HACE1: variants seen among roughly 807,000 people sequenced by gnomAD.
HACE1 encodes E3 ubiquitin-protein ligase HACE1.
Under a neutral mutation model 118.4 loss-of-function variants are expected in HACE1, and 73 were observed. The ratio of observed to expected loss-of-function variants is 0.62; its 90% confidence interval spans 0.51 to 0.75. The LOEUF (loss-of-function observed/expected upper bound fraction) is 0.75. Among genes scored for constraint, HACE1 ranks in the 30% least tolerant of loss-of-function variants. The pLI is 0.00. For missense variants in HACE1, 749 were observed against 1,102.2 expected, an observed-to-expected ratio of 0.68 and a Z score of 4.54; for synonymous variants, 368 against 374.8, an observed-to-expected ratio of 0.98 and a Z score of 0.21.
In HACE1 at chr6:104,740,482, C is replaced by G. The variant is rs979945781; in HGVS notation, c.2513+3678G>C. On this transcript the variant is annotated intron_variant, in intron 22 of 23. Coordinates refer to ENST00000262903, the MANE Select transcript of HACE1 (RefSeq NM_020771.4). ...CTAAAAAATGATAAAGGGGATATCA[C>G]CATTAATGCTACAGAAATACAAACT... is the stretch of plus-strand genomic sequence containing the variant. Among the ~76,000 whole-genome samples, 3 of 152,148 alleles carry G rather than the reference C, an allele frequency of 2.0e-5. No individual in the cohort carries two copies. The East Asian group carries it at 5.8e-4, about 29-fold the overall frequency.
At chr6:104,795,779 T>C in intron 9 of HACE1, 94 bp from the exon 10 acceptor site, 1 of 759,258 alleles carries the variant, frequency 1.3e-6, no homozygotes, top group East Asian at 2.7e-5. Context: ...TAAAGCCAAT[T>C]AGTCTAAATC....
At chr6:104,776,858 A>C in intron 16 of HACE1, 30 bp from the exon 17 acceptor site, 5 of 1,509,660 alleles carry the variant, frequency 3.3e-6, no homozygotes, top group Non-Finnish European at 4.6e-6. Flanking sequence ...TTAAGCATCA[A>C]CAGAAATATG....
At chr6:104,732,116 T>G (rs927175103) in intron 22 of HACE1, 2 of 152,104 alleles carry the variant, frequency 1.3e-5, no homozygotes, top group South Asian at 4.1e-4. Flanking sequence ...GAATGTAAAA[T>G]GATGCAGCCT....
intron 16 of HACE1, 80 bp downstream of exon 16, chr6:104,776,933 A>C: frequency 7.7e-7 from 1 of 1,296,856 alleles, no homozygotes; most frequent in South Asian, 1.2e-5. Flanking sequence ...TTTATCAACT[A>C]AATATTAAAC....
intron 6 of HACE1, among the ~76,000 whole-genome samples, chr6:104,818,795 C>T (rs1269740875): frequency 6.6e-6 from 1 of 151,918 alleles, no homozygotes; most frequent in East Asian, 1.9e-4. Flanking sequence ...ATGATTATCT[C>T]AACAGATGCA....
intron 19 of HACE1, among the ~76,000 whole-genome samples, chr6:104,765,093 A>G (rs944036597): frequency 5.9e-5 from 9 of 152,240 alleles, no homozygotes; most frequent in African/African-American, 2.2e-4. Context: ...ATTCAGTCAC[A>G]TGGCTGAATT....
chr6:104,843,958 G>A (rs568247525), intron 4 of HACE1, among the ~76,000 whole-genome samples: 143 of 151,670 alleles, frequency 9.4e-4, no homozygotes, highest in Non-Finnish European at 1.6e-3. Context: ...CCGGGTTCAA[G>A]TGATTCTCCT....
chr6:104,787,539 A>G (rs1782569306), intron 11 of HACE1: 1 of 152,264 alleles, frequency 6.6e-6, no homozygotes, highest in Non-Finnish European at 1.5e-5. Context: ...AACTTCTGAA[A>G]TGGAAAGAAC....
In HACE1 at chr6:104,831,981, A is replaced by AAT. The variant is rs1562471134; in HGVS notation, c.534+1060_534+1061insAT. On this transcript the variant is annotated intron_variant, in intron 6 of 23. Coordinates refer to ENST00000262903, the MANE Select transcript of HACE1 (RefSeq NM_020771.4). Reference sequence around the variant, plus strand: ...AAGAGAAGAGAAGAGAAGAGAAGAGAGGAAGGAAGGAAGGAAGGAAGGAAG... The same window carrying AAT: ...AAGAGAAGAGAAGAGAAGAGAAGAGAATGGAAGGAAGGAAGGAAGGAAGGAAG... Among the ~76,000 whole-genome samples, 5 of 44,330 alleles carry AAT rather than the reference A, an allele frequency of 1.1e-4. No homozygotes were observed. The South Asian group carries it at 3.9e-3, about 34-fold the overall frequency. The allele number at this position is 44,330 out of a possible 152,430, so 29.1% of individuals were successfully genotyped here.
At chr6:104,736,628 G>A (rs552572775) in intron 22 of HACE1, among the ~76,000 whole-genome samples, 3 of 152,154 alleles carry the variant, frequency 2.0e-5, no homozygotes, top group African/African-American at 4.8e-5. Flanking sequence ...TGGGAAGGGT[G>A]GTAAGTTATT....
At position 104,744,144 on chromosome 6, in the gene HACE1, T is replaced by G; in HGVS notation, c.2513+16A>C. Reference sequence around the variant, plus strand: ...ACATTAAATTATTTCCATATTATCATAAAAATACTGCTTACCTGCCCGTAA... The same window carrying G: ...ACATTAAATTATTTCCATATTATCAGAAAAATACTGCTTACCTGCCCGTAA... On this transcript the variant is annotated intron_variant, in intron 22 of 23. Transcript: ENST00000262903. The G allele has an allele frequency of 1.0e-5, 15 of 1,458,800 alleles. No individual in the cohort carries two copies. Among genetic ancestry groups the G allele is most frequent in the Non-Finnish European group, 1.3e-5 (14 of 1,038,778 alleles). 90.4% of individuals were successfully genotyped at this position (1,458,800 alleles called of 1,614,324 possible). A position where few individuals can be genotyped will look rare whatever the true frequency, so the allele number is the denominator to read the frequency against.
At chr6:104,733,878 C>T (rs1775485712) in intron 22 of HACE1, among the ~76,000 whole-genome samples, 1 of 151,304 alleles carries the variant, frequency 6.6e-6, no homozygotes, top group Admixed American at 6.6e-5. Context: ...ATCAGCCGGA[C>T]ACAGTGATTC....
Position 104,834,493 on chromosome 6 carries a change from GA to G in HACE1, c.403-1321del, listed in dbSNP as rs1458419541. Among the ~76,000 whole-genome samples the G allele has an allele frequency of 2.6e-5, 4 of 152,138 alleles. No homozygotes were observed. In the East Asian group the frequency reaches 7.7e-4, roughly 29 times the overall value. The stretch of plus-strand genomic sequence containing the variant: ...TATGCTATCCATTAATTTTTCACAT[GA>G]TTTTTTTTCATTAAAAAGAAAATCA... On this transcript the variant is annotated intron_variant, in intron 5 of 23. Transcript: ENST00000262903.
chr6:104,771,212 A>ATTTG lies in HACE1; in HGVS notation c.2191_2192insCAAA (p.Leu731ProfsTer7). ...ACTCACTTTATTATTTTGTGTCACA[A>ATTTG]GAATACTCCCACCCCCAGGTTTCAA... On this transcript the variant is annotated frameshift_variant, in exon 19 of 24. Coordinates refer to ENST00000262903, the MANE Select transcript of HACE1 (RefSeq NM_020771.4). LOFTEE classifies it high-confidence loss of function. 6.2e-7 allele frequency: 1 copy of ATTTG among 1,611,974 alleles called. No homozygotes were observed. The highest frequency in any genetic ancestry group is 8.5e-7 in the Non-Finnish European group (1 of 1,178,024).
At chr6:104,741,542 A>C (rs1392392830) in intron 22 of HACE1, among the ~76,000 whole-genome samples, 1 of 112,670 alleles carries the variant, frequency 8.9e-6, no homozygotes, top group Non-Finnish European at 1.7e-5. Flanking sequence ...CCAAATCATG[A>C]GTGAACTCCC....
intron 12 of HACE1, 121 bp from the exon 13 acceptor site, chr6:104,784,606 T>C: frequency 1.5e-6 from 1 of 683,742 alleles, no homozygotes. Context: ...GAATTTGGTT[T>C]TGAATCTTCT....
chr6:104,825,094 AAAAG>A (rs1179682991), intron 6 of HACE1, among the ~76,000 whole-genome samples: 9 of 151,706 alleles, frequency 5.9e-5, no homozygotes, highest in South Asian at 2.1e-4. Flanking sequence ...AAAAAAAAAA[AAAAG>A]AAAGAAAGAA....
chr6:104,769,121 A>G (rs78336197), intron 19 of HACE1, among the ~76,000 whole-genome samples: 1 of 151,974 alleles, frequency 6.6e-6, no homozygotes. Flanking sequence ...TGTAGCCTCA[A>G]CCTCCAGAGC....
At chr6:104,847,435 T>C (rs1775767934) in intron 4 of HACE1, among the ~76,000 whole-genome samples, 2 of 152,222 alleles carry the variant, frequency 1.3e-5, no homozygotes, top group South Asian at 4.1e-4. Flanking sequence ...ACAAGATATC[T>C]AACATGGCTA....
Sources: allele counts gnomAD v4.1 joint callset (sites outside exome capture counted in the v4.1 genomes callset), GRCh38; gene constraint gnomAD v4.1.1; transcripts MANE v1.5; gene names NCBI Gene and HGNC (gene_info 2026-07-23, HGNC 2026-07-21).